Variants in MCM10 observed in about 807,000 individuals in gnomAD.
MCM10 encodes the protein protein MCM10 homolog.
In MCM10, 91 loss-of-function variants were observed where a neutral mutation model predicts 109.9. That is an observed-to-expected ratio of 0.83 (90% CI 0.70 to 0.99). The LOEUF is 0.99. Ranked by LOEUF, MCM10 falls within the 50% of genes least tolerant of loss-of-function variation. The probability of loss-of-function intolerance (pLI) is 0.00; values close to 1 mark genes in which losing one functional copy is unlikely to be tolerated. For missense variants in MCM10, 1,077 were observed against 1,061.2 expected (o/e 1.01, Z -0.21); for synonymous variants, 380 against 387.2 (o/e 0.98, Z 0.22).
At chr10:13,191,132 TA>T (rs1281105058) in intron 10 of MCM10, among the ~76,000 whole-genome samples, 166 bp from the exon 11 acceptor site, 1 of 152,194 alleles carries the variant, frequency 6.6e-6, no homozygotes, top group Non-Finnish European at 1.5e-5. Flanking sequence ...ACACAGTGCA[TA>T]AACCAGTTAT....
At chr10:13,173,281 T>C (rs1314877343) in intron 5 of MCM10, among the ~76,000 whole-genome samples, 2 of 152,182 alleles carry the variant, frequency 1.3e-5, no homozygotes, top group African/African-American at 4.8e-5. Context: ...CTCTGTAGTC[T>C]CATAGTTTTA....
At chr10:13,188,684 T>G (rs541535384) in intron 9 of MCM10, among the ~76,000 whole-genome samples, 197 bp from the exon 10 acceptor site, 2 of 152,314 alleles carry the variant, frequency 1.3e-5, no homozygotes, top group East Asian at 3.9e-4. Flanking sequence ...AACAGTGCTT[T>G]CAGGGGACTC....
rs369794687 is a variant in MCM10, at chr10:13,164,367, A to T, written c.7+158A>T. 2.0e-4 allele frequency among the ~76,000 whole-genome samples: 30 copies of T among 152,354 alleles called. 1 individual carries two copies. In the East Asian group the frequency reaches 4.8e-3, roughly 24 times the overall value. On this transcript the variant is annotated intron_variant, in intron 2 of 19. Transcript: ENST00000378714. ...AGCAATCTCACATCTCACAGAGGTC[A>T]CTGAATGTTACTTGCTTTTATCAGG...
chr10:13,191,794 A>G (rs151032653), intron 11 of MCM10, among the ~76,000 whole-genome samples: 55 of 152,232 alleles, frequency 3.6e-4, no homozygotes, highest in African/African-American at 1.2e-3. Context: ...TCTGGGTCCA[A>G]CTCTTTACAT....
At position 13,172,724 on chromosome 10, in the gene MCM10, G is replaced by A. The variant is rs1414047626; in HGVS notation, c.551G>A (p.Arg184Lys). The A allele has an allele frequency of 6.2e-7, 1 of 1,614,034 alleles. No homozygotes were observed. Among genetic ancestry groups the A allele is most frequent in the African/African-American group, 1.3e-5 (1 of 74,900 alleles). The change falls in exon 5 of 20, where the codon AGA (arginine) becomes AAA (lysine). Residue 184 changes from arginine to lysine, a missense_variant. Arg to Lys is a conservative substitution (Grantham distance 26). Transcript: ENST00000378714. The surrounding 1 kb of genome is among the most constrained non-coding windows in gnomAD (Gnocchi z 5.2). Reference sequence around the variant, plus strand: ...GAGCTTGATGTCCCTGCGCTACCAAGAACCAAGAGGGTGGCTCGAACACCA... The same window carrying A: ...GAGCTTGATGTCCCTGCGCTACCAAAAACCAAGAGGGTGGCTCGAACACCA... ...SAELDVPALP[R>K]TKRVARTPKA...
intron 18 of MCM10, among the ~76,000 whole-genome samples, chr10:13,205,984 G>A (rs757948927): frequency 2.6e-5 from 4 of 152,114 alleles, no homozygotes; most frequent in South Asian, 2.1e-4. Flanking sequence ...TGTTGCCGTC[G>A]CAGGTCCATC....
chr10:13,171,254 G>C lies in MCM10; in HGVS notation c.340G>C (p.Glu114Gln). The C allele has an allele frequency of 6.2e-7, 1 of 1,606,398 alleles. No individual in the cohort carries two copies. Among genetic ancestry groups the C allele is most frequent in the Non-Finnish European group, 8.5e-7 (1 of 1,176,178 alleles). The part of the protein sequence containing the change: ...PAPRREKTNE[E>Q]LQEELRNLQE... ...CCCCAGGCGAGAGAAAACGAATGAA[G>C]AGTTGCAAGGTGCCCTAACTACTTG... Residue 114 changes from glutamate to glutamine, a missense_variant, in exon 3 of 20, where the codon GAG becomes CAG. Physicochemically the swap from Glu to Gln is conservative, Grantham distance 29. Transcript: ENST00000378714.
At chr10:13,195,919 G>A (rs1588476645) in intron 14 of MCM10, among the ~76,000 whole-genome samples, 1 of 151,314 alleles carries the variant, frequency 6.6e-6, no homozygotes, top group South Asian at 2.1e-4. Flanking sequence ...TTTTTTATTT[G>A]TTGAGACAGA....
intron 2 of MCM10, among the ~76,000 whole-genome samples, chr10:13,168,870 A>G (rs1328450950): frequency 6.6e-6 from 1 of 152,250 alleles, no homozygotes; most frequent in African/African-American, 2.4e-5. Context: ...TAAGGGCAAC[A>G]GAGTCCTCAG....
intron 2 of MCM10, among the ~76,000 whole-genome samples, chr10:13,169,751 GC>G (rs1228990176): frequency 1.3e-5 from 2 of 152,224 alleles, no homozygotes; most frequent in African/African-American, 4.8e-5. Context: ...TGTCACCCAG[GC>G]TGGAGTGCAG....
chr10:13,177,256 T>C (rs1170426829), intron 6 of MCM10, among the ~76,000 whole-genome samples: 1 of 152,250 alleles, frequency 6.6e-6, no homozygotes, highest in Non-Finnish European at 1.5e-5. Context: ...GGTCTCTTTG[T>C]CATTGTTAAA....
At chr10:13,203,843 C>T (rs117958058) in intron 17 of MCM10, among the ~76,000 whole-genome samples, 3,048 of 152,266 alleles carry the variant, frequency 0.02, 55 homozygotes, top group Middle Eastern at 0.037. Flanking sequence ...CAAGCCTCAG[C>T]ATCCTATATA....
At chr10:13,206,817 T>G (rs1295666879) in intron 18 of MCM10, among the ~76,000 whole-genome samples, 1 of 151,710 alleles carries the variant, frequency 6.6e-6, no homozygotes, top group African/African-American at 2.4e-5. Context: ...TTTTCCTTCT[T>G]TTTTTGAGAC....
At chr10:13,173,873 GAGC>G (rs1275773815) in intron 5 of MCM10, among the ~76,000 whole-genome samples, 4 of 152,074 alleles carry the variant, frequency 2.6e-5, no homozygotes. Flanking sequence ...CCCAGTGTGA[GAGC>G]AGTGATCCAA....
chr10:13,204,496 GA>G, intron 18 of MCM10, 132 bp downstream of exon 18: 1 of 1,141,450 alleles, frequency 8.8e-7, no homozygotes, highest in South Asian at 1.6e-5. Context: ...CTACCCTTGG[GA>G]CTCAAGCTGT....
chr10:13,172,490 C>G lies in MCM10; in HGVS notation c.454+10C>G, dbSNP rs527298428. On this transcript the variant is annotated intron_variant, in intron 4 of 19. Coordinates refer to ENST00000378714, the MANE Select transcript of MCM10 (RefSeq NM_018518.5). The surrounding 1 kb of genome is among the most constrained non-coding windows in gnomAD (Gnocchi z 5.2). ...CTGCAAAAATCCCCTGGTAAGAAGACTGTCATTCTGGCAATCGTGTGCATT... is the reference window on the plus strand; with the variant it reads ...CTGCAAAAATCCCCTGGTAAGAAGAGTGTCATTCTGGCAATCGTGTGCATT... 1 of 1,610,928 alleles carries G rather than the reference C, an allele frequency of 6.2e-7. No homozygotes were observed. The highest frequency in any genetic ancestry group is 8.5e-7 in the Non-Finnish European group (1 of 1,177,484).
In MCM10 at chr10:13,198,801, G is replaced by C. The variant is rs770908512; in HGVS notation, c.2232G>C (p.Leu744=). 2 of 1,608,782 alleles carry C rather than the reference G, an allele frequency of 1.2e-6. No homozygotes were observed. The highest frequency in any genetic ancestry group is 1.1e-5 in the South Asian group (1 of 90,984). The change falls in exon 16 of 20, where the codon CTG becomes CTC. Residue 744 remains leucine, a synonymous_variant. Transcript: ENST00000378714. The stretch of plus-strand genomic sequence containing the variant: ...CAAAATCAAAACACACAGGCATCCT[G>C]AAAGAGGTAAGAGCCCAAAAGCTCA... ...LKAKSKHTGI[L]KEAEAEMQER...
intron 9 of MCM10, among the ~76,000 whole-genome samples, chr10:13,187,477 T>C (rs1834290382): frequency 6.6e-6 from 1 of 152,180 alleles, no homozygotes; most frequent in Non-Finnish European, 1.5e-5. Context: ...TGTTTTCCAC[T>C]CCCTTGGGCA....
At chr10:13,179,949 C>A (rs1008717154) in intron 6 of MCM10, among the ~76,000 whole-genome samples, 65 of 152,052 alleles carry the variant, frequency 4.3e-4, no homozygotes, top group African/African-American at 1.5e-3. Flanking sequence ...AAAGGCAAAC[C>A]TAGCTTTAAA....
Sources: gnomAD v4.1 joint callset for allele counts (sites outside exome capture counted in the v4.1 genomes callset) on GRCh38, gnomAD v4.1.1 for gene constraint, Gnocchi (gnomAD v3.1) non-coding constraint, MANE v1.5 for transcripts, NCBI Gene and HGNC (gene_info 2026-07-23, HGNC 2026-07-21) for gene names.